The following PTPRN2 variants were observed in gnomAD, a reference collection of about 807,000 sequenced individuals.
The protein encoded by PTPRN2 is protein tyrosine phosphatase receptor type N2, also known as receptor-type tyrosine-protein phosphatase N2.
A neutral mutation model predicts 118.8 loss-of-function variants in PTPRN2; 74 were observed. The observed-to-expected ratio is 0.62, with a 90% confidence interval of 0.52 to 0.76. PTPRN2 has a LOEUF of 0.76. PTPRN2 is among the 30% of genes least tolerant of loss of function. The pLI is 0.00. For synonymous variants in PTPRN2, 641 were observed against 608.0 expected (o/e 1.05, Z -0.80); for missense variants, 1,481 against 1,394.4 (o/e 1.06, Z -0.99).
At chr7:158,248,756 CACACAT>C (rs1796426731) in intron 3 of PTPRN2, among the ~76,000 whole-genome samples, 12 of 53,780 alleles carry the variant, frequency 2.2e-4, no homozygotes, top group Admixed American at 1.8e-3. Flanking sequence ...GCACACACAT[CACACAT>C]ATGTGCACAT....
In PTPRN2 at chr7:157,841,317, G is replaced by A. The variant is rs144275077; in HGVS notation, c.1788+57356C>T. 2.1e-4 allele frequency among the ~76,000 whole-genome samples: 32 copies of A among 152,306 alleles called. 1 individual carries two copies. In the East Asian group the frequency reaches 6.2e-3, roughly 29 times the overall value. On this transcript the variant is annotated intron_variant, in intron 12 of 22. Transcript: ENST00000389418. Reference sequence around the variant, plus strand: ...TCGGTGAAGAGACAAAACTGTGAACGAGGACATTATCTAAAGTGCAGAGCC... The same window carrying A: ...TCGGTGAAGAGACAAAACTGTGAACAAGGACATTATCTAAAGTGCAGAGCC...
At chr7:158,428,893 G>A (rs1335623486) in intron 2 of PTPRN2, among the ~76,000 whole-genome samples, 3 of 152,172 alleles carry the variant, frequency 2.0e-5, no homozygotes, top group African/African-American at 7.2e-5. Flanking sequence ...CATGCAGATC[G>A]TCCTGGGGGC....
chr7:158,458,640 A>T (rs1290403333), intron 2 of PTPRN2, among the ~76,000 whole-genome samples: 1 of 152,142 alleles, frequency 6.6e-6, no homozygotes, highest in African/African-American at 2.4e-5. Flanking sequence ...CAGAACCATG[A>T]TCGTCCCCAC....
At chr7:158,256,412 C>T (rs891448896) in intron 3 of PTPRN2, among the ~76,000 whole-genome samples, 1 of 152,204 alleles carries the variant, frequency 6.6e-6, no homozygotes, top group East Asian at 1.9e-4. Context: ...AGGTCACCAG[C>T]CAGTCACAAG....
chr7:158,119,679 T>C (rs968535199), intron 9 of PTPRN2, among the ~76,000 whole-genome samples: 1 of 152,172 alleles, frequency 6.6e-6, no homozygotes, highest in Admixed American at 6.5e-5. Context: ...GTTATAATTG[T>C]TCTATTTTAT....
At chr7:157,670,087 G>C (rs556945128) in intron 13 of PTPRN2, among the ~76,000 whole-genome samples, 44 of 152,302 alleles carry the variant, frequency 2.9e-4, no homozygotes, top group Non-Finnish European at 4.9e-4. Flanking sequence ...TGGGGGAGCA[G>C]CAAGGGGCAC....
chr7:158,388,058 C>G (rs769735736), intron 2 of PTPRN2, among the ~76,000 whole-genome samples: 1 of 152,188 alleles, frequency 6.6e-6, no homozygotes, highest in Non-Finnish European at 1.5e-5. Context: ...AACCCCAGCT[C>G]CACAGCAGCC....
chr7:157,790,253 G>GGT (rs1360480255), intron 12 of PTPRN2, among the ~76,000 whole-genome samples: 2 of 139,792 alleles, frequency 1.4e-5, no homozygotes, highest in African/African-American at 5.3e-5. Flanking sequence ...CTGTGGTGGG[G>GGT]GTGTGTGTGT....
intron 11 of PTPRN2, among the ~76,000 whole-genome samples, chr7:157,952,095 CG>C (rs1327068677): frequency 2.0e-5 from 3 of 152,214 alleles, no homozygotes; most frequent in African/African-American, 7.2e-5. Context: ...GCACACCCTG[CG>C]GGGAGGCCAG....
At chr7:158,283,010 A>T (rs1799530857) in intron 3 of PTPRN2, among the ~76,000 whole-genome samples, 1 of 151,864 alleles carries the variant, frequency 6.6e-6, no homozygotes. Flanking sequence ...CACGCACAGC[A>T]GCCGGACACA....
At chr7:158,373,138 T>C (rs1810223031) in intron 2 of PTPRN2, among the ~76,000 whole-genome samples, 2 of 152,204 alleles carry the variant, frequency 1.3e-5, no homozygotes, top group South Asian at 4.1e-4. Context: ...GCTTTGTCTG[T>C]AAAGGAGCGT....
chr7:157,759,157 C>G (rs28572389), intron 12 of PTPRN2, among the ~76,000 whole-genome samples: 2,591 of 152,370 alleles, frequency 0.017, 78 homozygotes, highest in African/African-American at 0.051. Context: ...GCCGCTCCCC[C>G]CTTCCCTCTC....
chr7:157,785,091 CTG>C lies in PTPRN2; in HGVS notation c.1789-102156_1789-102155del, dbSNP rs376199844. Among the ~76,000 whole-genome samples, 14 of 152,140 alleles carry C rather than the reference CTG, an allele frequency of 9.2e-5. No homozygotes were observed. The highest frequency in any genetic ancestry group is 3.4e-4 in the African/African-American group (14 of 41,498). ...GCGTCGTCATAGGAGTTGAACAAAG[CTG>C]TGTGTGTGTTTCCAGAATGTTGGCA... On this transcript the variant is annotated intron_variant, in intron 12 of 22. Coordinates refer to ENST00000389418, the MANE Select transcript of PTPRN2 (RefSeq NM_002847.5). This position sits in a 1 kb window ranked among gnomAD's most constrained non-coding sequence, Gnocchi z 7.3.
At chr7:158,260,071 GTGTA>G (rs1797297404) in intron 3 of PTPRN2, among the ~76,000 whole-genome samples, 1 of 152,246 alleles carries the variant, frequency 6.6e-6, no homozygotes, top group Non-Finnish European at 1.5e-5. Context: ...ACATATTTGT[GTGTA>G]TGTGCGTGCA....
At chr7:158,330,724 A>G (rs1348652332) in intron 2 of PTPRN2, among the ~76,000 whole-genome samples, 2 of 111,156 alleles carry the variant, frequency 1.8e-5, no homozygotes, top group Non-Finnish European at 2.0e-5. Context: ...AAGAGCCGAC[A>G]CGTGCAGACG....
rs1183741969 is a variant in PTPRN2, at chr7:158,335,396, T to G, written c.164-18464A>C. Among the ~76,000 whole-genome samples the G allele has an allele frequency of 1.8e-4, 3 of 16,880 alleles. 1 individual carries two copies. The highest frequency in any genetic ancestry group is 4.1e-4 in the African/African-American group (3 of 7,234). 11.1% of individuals were successfully genotyped at this position (16,880 alleles called of 152,430 possible). A position where few individuals can be genotyped will look rare whatever the true frequency, so the allele number is the denominator to read the frequency against. Reference sequence around the variant, plus strand: ...TACTCTCACCATAAGAGCTGACACCTGCAGACGTCACTCACACCCACACTC... The same window carrying G: ...TACTCTCACCATAAGAGCTGACACCGGCAGACGTCACTCACACCCACACTC... On this transcript the variant is annotated intron_variant, in intron 2 of 22. Coordinates refer to ENST00000389418, the MANE Select transcript of PTPRN2 (RefSeq NM_002847.5).
At chr7:157,707,149 T>C (rs559558302) in intron 12 of PTPRN2, among the ~76,000 whole-genome samples, 1 of 152,200 alleles carries the variant, frequency 6.6e-6, no homozygotes, top group Admixed American at 6.5e-5. Context: ...GGGTTGTCCT[T>C]TTATACACAG....
intron 11 of PTPRN2, among the ~76,000 whole-genome samples, chr7:158,053,948 T>TGCAGAGACCCTAGAGAC (rs1809559210): frequency 7.1e-6 from 1 of 141,606 alleles, no homozygotes; most frequent in Non-Finnish European, 1.5e-5. Flanking sequence ...ACTCCAGAGA[T>TGCAGAGACCCTAGAGAC]GCAGAGACCC....
intron 15 of PTPRN2, among the ~76,000 whole-genome samples, chr7:157,612,595 G>A (rs1802433631): frequency 6.6e-6 from 1 of 152,186 alleles, no homozygotes; most frequent in Non-Finnish European, 1.5e-5. Context: ...TGTGACCGAC[G>A]GTCTTGGGGC....
Sources: gnomAD v4.1 joint callset for allele counts (sites outside exome capture counted in the v4.1 genomes callset) on GRCh38, gnomAD v4.1.1 for gene constraint, Gnocchi (gnomAD v3.1) non-coding constraint, MANE v1.5 for transcripts, NCBI Gene and HGNC (gene_info 2026-07-23, HGNC 2026-07-21) for gene names.